The following JAK2 variants were observed in gnomAD, a reference collection of about 807,000 sequenced individuals.
The protein encoded by JAK2 is Janus kinase 2.
JAK2 carries 86 observed loss-of-function variants against 139.3 expected under a neutral mutation model. That is an observed-to-expected ratio of 0.62 (90% CI 0.52 to 0.74). The LOEUF (loss-of-function observed/expected upper bound fraction) is 0.74, where lower values mean the gene tolerates loss of function less well. Among genes scored for constraint, JAK2 ranks in the 30% least tolerant of loss-of-function variants. The pLI is 0.00. For missense variants in JAK2, 1,421 were observed against 1,360.3 expected (o/e 1.04, Z -0.70); for synonymous variants, 490 against 437.7 (o/e 1.12, Z -1.49).
chr9:5,010,878 A>T (rs1280118463), intron 2 of JAK2, among the ~76,000 whole-genome samples: 1 of 152,166 alleles, frequency 6.6e-6, no homozygotes, highest in Non-Finnish European at 1.5e-5. Flanking sequence ...AATACAACAG[A>T]TCCAGTAGTA....
intron 10 of JAK2, among the ~76,000 whole-genome samples, chr9:5,068,407 T>G (rs535372086): frequency 6.6e-6 from 1 of 152,306 alleles, no homozygotes; most frequent in African/African-American, 2.4e-5. Flanking sequence ...GGTGGTGCAG[T>G]GGAATGGCTG....
At chr9:5,088,848 C>A (rs1820331566) in intron 19 of JAK2, among the ~76,000 whole-genome samples, 1 of 151,706 alleles carries the variant, frequency 6.6e-6, no homozygotes, top group Non-Finnish European at 1.5e-5. Context: ...ACCCTTATAA[C>A]CTAATTTAAC....
intron 22 of JAK2, among the ~76,000 whole-genome samples, chr9:5,093,193 C>T (rs1039991527): frequency 6.6e-6 from 1 of 152,078 alleles, no homozygotes; most frequent in African/African-American, 2.4e-5. Flanking sequence ...AATAAGCATC[C>T]TATTATTTAT....
At chr9:5,047,725 G>A (rs1169195166) in intron 5 of JAK2, among the ~76,000 whole-genome samples, 3 of 152,122 alleles carry the variant, frequency 2.0e-5, no homozygotes, top group Non-Finnish European at 4.4e-5. Flanking sequence ...AGCCTCCTGA[G>A]TAGCTAGGTA....
chr9:5,128,382 G>GAA lies in JAK2; in HGVS notation c.*1593_*1594dup. Among the ~76,000 whole-genome samples, 1 of 151,730 alleles carries GAA rather than the reference G, an allele frequency of 6.6e-6. No homozygotes were observed. Among genetic ancestry groups the GAA allele is most frequent in the Non-Finnish European group, 1.5e-5 (1 of 67,676 alleles). ...TTTTAAAAAGATTTTAGATTTTTTT[G>GAA]AAAGTTTAATTTTTATTTGTAAAGA... On this transcript the variant is annotated 3_prime_UTR_variant, in exon 25 of 25. Coordinates refer to ENST00000381652, the MANE Select transcript of JAK2 (RefSeq NM_004972.4).
At chr9:5,109,726 G>A (rs1822279814) in intron 22 of JAK2, 1 of 152,086 alleles carries the variant, frequency 6.6e-6, no homozygotes, top group Non-Finnish European at 1.5e-5. Flanking sequence ...CTAAGCTTTA[G>A]ACTACTTCTC....
chr9:4,993,982 G>A (rs1820414759), intron 2 of JAK2, among the ~76,000 whole-genome samples: 1 of 152,162 alleles, frequency 6.6e-6, no homozygotes, highest in African/African-American at 2.4e-5. Context: ...TGCAGTGGGT[G>A]ATGTCCTGTC....
rs1395480790 is a variant in JAK2, at chr9:5,054,474, A to AT, written c.615-89_615-88insT. 8.9e-7 allele frequency: 1 copy of AT among 1,124,566 alleles called. No individual in the cohort carries two copies. Among genetic ancestry groups the AT allele is most frequent in the Non-Finnish European group, 1.3e-6 (1 of 782,178 alleles). The allele number at this position is 1,124,566 out of a possible 1,614,324, so 69.7% of individuals were successfully genotyped here. ...GTTGTAAGGCCTACTTAATCATGGAAAAAGGTGGTAACTTCTTTTTCAATT... is the reference window on the plus strand; with the variant it reads ...GTTGTAAGGCCTACTTAATCATGGAATAAAGGTGGTAACTTCTTTTTCAATT... On this transcript the variant is annotated intron_variant, in intron 6 of 24. Coordinates refer to ENST00000381652, the MANE Select transcript of JAK2 (RefSeq NM_004972.4). This position sits in a 1 kb window ranked among gnomAD's most constrained non-coding sequence, Gnocchi z 4.9.
Position 5,041,156 on chromosome 9 carries a change from A to G in JAK2, c.351-3247A>G, listed in dbSNP as rs1211903154. On this transcript the variant is annotated intron_variant, in intron 4 of 24. Coordinates refer to ENST00000381652, the MANE Select transcript of JAK2 (RefSeq NM_004972.4). The stretch of plus-strand genomic sequence containing the variant: ...GATCGCCATCCGGCTGATCACGCGC[A>G]TGGATTATGTGCACACCAAGAACCT... 6.8e-6 allele frequency: 8 copies of G among 1,171,620 alleles called. No individual in the cohort carries two copies. The African/African-American group carries it at 9.1e-5, about 13-fold the overall frequency. The allele number at this position is 1,171,620 out of a possible 1,614,324, so 72.6% of individuals were successfully genotyped here. A position where few individuals can be genotyped will look rare whatever the true frequency, so the allele number is the denominator to read the frequency against.
chr9:5,076,247 G>C (rs1039165999), intron 14 of JAK2, among the ~76,000 whole-genome samples: 1 of 152,196 alleles, frequency 6.6e-6, no homozygotes, highest in Admixed American at 6.5e-5. Context: ...CAGTTGCAGG[G>C]TTTGAGAGGA....
chr9:5,061,326 A>G (rs928428092), intron 8 of JAK2, among the ~76,000 whole-genome samples: 1 of 152,214 alleles, frequency 6.6e-6, no homozygotes, highest in Non-Finnish European at 1.5e-5. Context: ...CCTAGATGGC[A>G]TATTCTTCCA....
chr9:5,060,243 G>A (rs936758907), intron 8 of JAK2, among the ~76,000 whole-genome samples: 8 of 152,152 alleles, frequency 5.3e-5, no homozygotes, highest in Admixed American at 2.0e-4. Flanking sequence ...GCTGCTGACC[G>A]ATCAGTGTGG....
intron 5 of JAK2, among the ~76,000 whole-genome samples, chr9:5,045,346 CA>C (rs1816928212): frequency 6.6e-6 from 1 of 152,172 alleles, no homozygotes; most frequent in Middle Eastern, 3.4e-3. Context: ...AGTTTATGAA[CA>C]ACAAAAGGAA....
intron 2 of JAK2, among the ~76,000 whole-genome samples, chr9:5,006,605 A>G (rs1164308484): frequency 6.6e-6 from 1 of 152,144 alleles, no homozygotes; most frequent in Non-Finnish European, 1.5e-5. Context: ...GGTGAAGGGG[A>G]AAAAAGTACA....
chr9:5,041,290 T>A, intron 4 of JAK2: 1 of 963,892 alleles, frequency 1.0e-6, no homozygotes, highest in Non-Finnish European at 1.6e-6. Flanking sequence ...GGTACACTGG[T>A]CTCAGGACCA....
intron 19 of JAK2, among the ~76,000 whole-genome samples, chr9:5,082,589 A>T (rs1819780940): frequency 6.6e-6 from 1 of 152,214 alleles, no homozygotes; most frequent in South Asian, 2.1e-4. Flanking sequence ...CCCTTCACGG[A>T]TGTTGGGCTG....
intron 20 of JAK2, 73 bp from the exon 21 acceptor site, chr9:5,090,373 T>G (rs1046223872): frequency 1.8e-6 from 2 of 1,100,368 alleles, no homozygotes; most frequent in Non-Finnish European, 2.4e-6. Context: ...GTCATTTATG[T>G]ATGATAGTTT....
At chr9:5,023,675 C>A (rs911091229) in intron 3 of JAK2, among the ~76,000 whole-genome samples, 4 of 152,130 alleles carry the variant, frequency 2.6e-5, no homozygotes, top group Admixed American at 1.3e-4. Flanking sequence ...TGTCTTGTTT[C>A]GTCTCCTTCC....
Position 5,090,768 on chromosome 9 carries a change from T to C in JAK2, c.2916T>C (p.Tyr972=). 1 of 1,608,738 alleles carries C rather than the reference T, an allele frequency of 6.2e-7. No individual in the cohort carries two copies. Among genetic ancestry groups the C allele is most frequent in the Non-Finnish European group, 8.5e-7 (1 of 1,178,612 alleles). ...KGMEYLGTKR[Y]IHRDLATRNI... ...TGGAGTATCTTGGTACAAAAAGGTA[T>C]ATCCACAGGGATCTGGCAACGAGAA... Residue 972 remains tyrosine, a synonymous_variant, in exon 22 of 25, where the codon TAT becomes TAC. Coordinates refer to ENST00000381652, the MANE Select transcript of JAK2 (RefSeq NM_004972.4).
Sources: gnomAD v4.1 joint callset for allele counts (sites outside exome capture counted in the v4.1 genomes callset) on GRCh38, gnomAD v4.1.1 for gene constraint, Gnocchi (gnomAD v3.1) non-coding constraint, MANE v1.5 for transcripts, NCBI Gene and HGNC (gene_info 2026-07-23, HGNC 2026-07-21) for gene names.